ST3GAL4: variants seen among roughly 807,000 people sequenced by gnomAD.
ST3GAL4 encodes ST3 beta-galactoside alpha-2,3-sialyltransferase 4, also known as CMP-N-acetylneuraminate-beta-galactosamide-alpha-2,3-sialyltransferase 4.
A neutral mutation model predicts 42.6 loss-of-function variants in ST3GAL4; 24 were observed. The ratio of observed to expected loss-of-function variants is 0.56; its 90% confidence interval spans 0.41 to 0.79. The LOEUF is 0.79. ST3GAL4 is among the 30% of genes least tolerant of loss of function. ST3GAL4 has a pLI of 0.00. For missense variants in ST3GAL4, 311 were observed against 430.8 expected (o/e 0.72, Z 2.46); for synonymous variants, 135 against 163.2 (o/e 0.83, Z 1.32).
chr11:126,408,007 G>A, intron 6 of ST3GAL4, 92 bp from the exon 7 acceptor site: 6 of 1,405,342 alleles, frequency 4.3e-6, no homozygotes, highest in Non-Finnish European at 4.9e-6. Context: ...GGGGGCCTAG[G>A]AAGTGGTCCT....
rs1952919749 is a variant in ST3GAL4, at chr11:126,379,329, G to A, written c.-61+23487G>A. 6.6e-6 allele frequency among the ~76,000 whole-genome samples: 1 copy of A among 152,138 alleles called. No individual in the cohort carries two copies. The highest frequency in any genetic ancestry group is 6.5e-5 in the Admixed American group (1 of 15,280). On this transcript the variant is annotated intron_variant, in intron 1 of 10. Transcript: ENST00000444328. This position sits in a 1 kb window ranked among gnomAD's most constrained non-coding sequence, Gnocchi z 4.2. ...GAAAATAAAAGTGTGAACCTTTTGT[G>A]CTAAAACAAAACAAAAACAAGTCTG...
At position 126,406,308 on chromosome 11, in the gene ST3GAL4, T is replaced by C; in HGVS notation, c.16+137T>C. 6.5e-7 allele frequency: 1 copy of C among 1,541,110 alleles called. No individual in the cohort carries two copies. Among genetic ancestry groups the C allele is most frequent in the Non-Finnish European group, 8.8e-7 (1 of 1,142,722 alleles). ...CCCTTCTCTTCATCTTGAAGGACAGTGGGTACAATCAGGGTCAAGCCCTCA... is the reference window on the plus strand; with the variant it reads ...CCCTTCTCTTCATCTTGAAGGACAGCGGGTACAATCAGGGTCAAGCCCTCA... On this transcript the variant is annotated intron_variant, in intron 2 of 10. Coordinates refer to ENST00000444328, the MANE Select transcript of ST3GAL4 (RefSeq NM_001254757.2). This position sits in a 1 kb window ranked among gnomAD's most constrained non-coding sequence, Gnocchi z 5.4.
chr11:126,403,332 C>CGCTGCTCACCTCTGAT, intron 1 of ST3GAL4: 6 of 910,154 alleles, frequency 6.6e-6, no homozygotes, highest in Non-Finnish European at 7.9e-6. Flanking sequence ...GACTGGTTAG[C>CGCTGCTCACCTCTGAT]GCTGCTCACC....
Position 126,363,439 on chromosome 11 carries a change from G to T in ST3GAL4, c.-61+7597G>T, listed in dbSNP as rs1315685615. Among the ~76,000 whole-genome samples the T allele has an allele frequency of 6.6e-6, 1 of 152,138 alleles. No homozygotes were observed. The highest frequency in any genetic ancestry group is 1.9e-4 in the East Asian group (1 of 5,188). On this transcript the variant is annotated intron_variant, in intron 1 of 10. Transcript: ENST00000444328. The surrounding 1 kb of genome is among the most constrained non-coding windows in gnomAD (Gnocchi z 4.6). ...GGCTGGGTTGGGTTGCCTGGAGGCC[G>T]GGAATGTTCAGGAGAGCCTTCATTG...
Position 126,406,880 on chromosome 11 carries a change from G to A in ST3GAL4, c.102-63G>A. 1 of 1,459,358 alleles carries A rather than the reference G, an allele frequency of 6.9e-7. No homozygotes were observed. The highest frequency in any genetic ancestry group is 9.6e-7 in the Non-Finnish European group (1 of 1,042,064). 90.4% of individuals were successfully genotyped at this position (1,459,358 alleles called of 1,614,324 possible). A position where few individuals can be genotyped will look rare whatever the true frequency, so the allele number is the denominator to read the frequency against. ...CATGCCGTGGGAGAAGGCTTAGGCT[G>A]CCTGGAACATGGGTCCCTGGGTCTG... On this transcript the variant is annotated intron_variant, in intron 3 of 10. Coordinates refer to ENST00000444328, the MANE Select transcript of ST3GAL4 (RefSeq NM_001254757.2). This position sits in a 1 kb window ranked among gnomAD's most constrained non-coding sequence, Gnocchi z 5.4.
intron 1 of ST3GAL4, among the ~76,000 whole-genome samples, chr11:126,404,322 A>G (rs1269680705): frequency 6.6e-6 from 1 of 152,132 alleles, no homozygotes; most frequent in Non-Finnish European, 1.5e-5. Context: ...CAGGTCAGAG[A>G]GGGAGGTGTG....
intron 1 of ST3GAL4, among the ~76,000 whole-genome samples, chr11:126,389,955 C>T (rs1953413048): frequency 6.9e-6 from 1 of 145,932 alleles, no homozygotes; most frequent in South Asian, 2.1e-4. Context: ...GGGTGAATCA[C>T]GAGGTCAGGA....
In ST3GAL4 at chr11:126,379,730, G is replaced by A. The variant is rs1427517569; in HGVS notation, c.-61+23888G>A. ...TGACCTTAGGCGATCCAACCACCTT[G>A]GCCTCCTTAAGTGCTGGGATTACAG... is the stretch of plus-strand genomic sequence containing the variant. On this transcript the variant is annotated intron_variant, in intron 1 of 10. Coordinates refer to ENST00000444328, the MANE Select transcript of ST3GAL4 (RefSeq NM_001254757.2). The surrounding 1 kb of genome is among the most constrained non-coding windows in gnomAD (Gnocchi z 4.2). 1.3e-5 allele frequency among the ~76,000 whole-genome samples: 2 copies of A among 151,934 alleles called. No individual in the cohort carries two copies. Among genetic ancestry groups the A allele is most frequent in the Non-Finnish European group, 2.9e-5 (2 of 67,994 alleles).
intron 8 of ST3GAL4, chr11:126,408,832 G>T: frequency 2.3e-6 from 1 of 436,140 alleles, no homozygotes. Flanking sequence ...CCATCTCCAG[G>T]CTGAGGGCAG....
At chr11:126,367,339 G>A (rs1162750445) in intron 1 of ST3GAL4, among the ~76,000 whole-genome samples, 1 of 152,224 alleles carries the variant, frequency 6.6e-6, no homozygotes, top group Non-Finnish European at 1.5e-5. Context: ...GAGTGGGAGT[G>A]GCAGTGCCTC....
Position 126,384,853 on chromosome 11 carries a change from T to G in ST3GAL4, c.-60-21243T>G. The G allele has an allele frequency of 5.1e-6, 5 of 984,484 alleles. No homozygotes were observed. The highest frequency in any genetic ancestry group is 6.0e-6 in the Non-Finnish European group (5 of 829,724). 61.0% of individuals were successfully genotyped at this position (984,484 alleles called of 1,614,324 possible). A position where few individuals can be genotyped will look rare whatever the true frequency, so the allele number is the denominator to read the frequency against. ...TCACATATGGGCCAGGAGAGGTGAGTGTGATTGTGGTAGTGGTGGGGGCAG... is the reference window on the plus strand; with the variant it reads ...TCACATATGGGCCAGGAGAGGTGAGGGTGATTGTGGTAGTGGTGGGGGCAG... On this transcript the variant is annotated intron_variant, in intron 1 of 10. Coordinates refer to ENST00000444328, the MANE Select transcript of ST3GAL4 (RefSeq NM_001254757.2). The surrounding 1 kb of genome is among the most constrained non-coding windows in gnomAD (Gnocchi z 5.5).
rs1954639529 is a variant in ST3GAL4, at chr11:126,414,021, G to A, written c.976G>A (p.Ala326Thr). The A allele has an allele frequency of 2.5e-6, 4 of 1,614,144 alleles. No individual in the cohort carries two copies. Among genetic ancestry groups the A allele is most frequent in the Non-Finnish European group, 1.7e-6 (2 of 1,180,054 alleles). The change falls in exon 11 of 11, where the codon GCT (alanine) becomes ACT (threonine). Residue 326 changes from alanine to threonine, a missense_variant. By Grantham distance (58) the Ala-to-Thr change is moderately conservative (BLOSUM62 0). Transcript: ENST00000444328. ...CATTAAGCGGATGCTGGAGATGGGAGCTATCAAGAACCTCACGTCCTTCTG... is the reference window on the plus strand; with the variant it reads ...CATTAAGCGGATGCTGGAGATGGGAACTATCAAGAACCTCACGTCCTTCTG... ...LAIKRMLEMGAIKNLTSF is the reference protein window; with the variant it reads ...LAIKRMLEMGTIKNLTSF
chr11:126,364,101 T>C (rs1591414870), intron 1 of ST3GAL4, among the ~76,000 whole-genome samples: 1 of 152,234 alleles, frequency 6.6e-6, no homozygotes, highest in Non-Finnish European at 1.5e-5. Flanking sequence ...AGGGGCTCCC[T>C]GCCCGGAGTC....
rs1001835850 is a variant in ST3GAL4 at position 126,409,514 on chromosome 11, C to T, written c.771+103C>T. 306 of 1,499,624 alleles carry T rather than the reference C, an allele frequency of 2.0e-4. No homozygotes were observed. Among genetic ancestry groups the T allele is most frequent in the Non-Finnish European group, 2.5e-4 (270 of 1,100,596 alleles). 92.9% of individuals were successfully genotyped at this position (1,499,624 alleles called of 1,614,324 possible). On this transcript the variant is annotated intron_variant, in intron 9 of 10. Transcript: ENST00000444328. The surrounding 1 kb of genome is among the most constrained non-coding windows in gnomAD (Gnocchi z 4.9). ...CCCTGGAAGGATCCCATAACAGAGG[C>T]GGCGGTTTGCATTTTCCCTCCAGGA...
At position 126,386,887 on chromosome 11, in the gene ST3GAL4, G is replaced by A. The variant is rs759291279; in HGVS notation, c.-60-19209G>A. On this transcript the variant is annotated intron_variant, in intron 1 of 10. Coordinates refer to ENST00000444328, the MANE Select transcript of ST3GAL4 (RefSeq NM_001254757.2). The surrounding 1 kb of genome is among the most constrained non-coding windows in gnomAD (Gnocchi z 4.7). ...CAGCACTTTCCTGTAAATTAGGAAC[G>A]GTAACACACACACCCCTCCCCCACC... 6.6e-6 allele frequency among the ~76,000 whole-genome samples: 1 copy of A among 152,102 alleles called. No individual in the cohort carries two copies. The highest frequency in any genetic ancestry group is 1.5e-5 in the Non-Finnish European group (1 of 68,014).
rs566090982 is a variant in ST3GAL4 at position 126,392,149 on chromosome 11, T to G, written c.-60-13947T>G. Reference sequence around the variant, plus strand: ...TGAGTCCGTACCCCTTTTCACTGGCTCCTCCTGGAGGCCACATGTACCTTG... The same window carrying G: ...TGAGTCCGTACCCCTTTTCACTGGCGCCTCCTGGAGGCCACATGTACCTTG... On this transcript the variant is annotated intron_variant, in intron 1 of 10. Transcript: ENST00000444328. The surrounding 1 kb of genome is among the most constrained non-coding windows in gnomAD (Gnocchi z 5.8). The G allele has an allele frequency of 5.5e-6, 1 of 182,890 alleles. No individual in the cohort carries two copies. The highest frequency in any genetic ancestry group is 1.9e-4 in the East Asian group (1 of 5,288). The allele number at this position is 182,890 out of a possible 1,614,324, so 11.3% of individuals were successfully genotyped here. A position where few individuals can be genotyped will look rare whatever the true frequency, so the allele number is the denominator to read the frequency against.
intron 1 of ST3GAL4, among the ~76,000 whole-genome samples, chr11:126,368,787 G>A (rs545352782): frequency 6.6e-6 from 1 of 152,226 alleles, no homozygotes; most frequent in Non-Finnish European, 1.5e-5. Flanking sequence ...GCGATGCCCA[G>A]GCCTTTGCAC....
chr11:126,406,880 G>T lies in ST3GAL4; in HGVS notation c.102-63G>T. ...CATGCCGTGGGAGAAGGCTTAGGCTGCCTGGAACATGGGTCCCTGGGTCTG... is the reference window on the plus strand; with the variant it reads ...CATGCCGTGGGAGAAGGCTTAGGCTTCCTGGAACATGGGTCCCTGGGTCTG... On this transcript the variant is annotated intron_variant, in intron 3 of 10. Transcript: ENST00000444328. This position sits in a 1 kb window ranked among gnomAD's most constrained non-coding sequence, Gnocchi z 5.4. 6.9e-7 allele frequency: 1 copy of T among 1,459,358 alleles called. No individual in the cohort carries two copies. The highest frequency in any genetic ancestry group is 9.6e-7 in the Non-Finnish European group (1 of 1,042,064). 90.4% of individuals were successfully genotyped at this position (1,459,358 alleles called of 1,614,324 possible).
intron 1 of ST3GAL4, among the ~76,000 whole-genome samples, chr11:126,389,911 C>T (rs1019425430): frequency 4.0e-5 from 6 of 151,360 alleles, no homozygotes; most frequent in Admixed American, 6.6e-5. Context: ...CGGTGGCTCA[C>T]GCCTGTAATC....
Sources: gnomAD v4.1 joint callset for allele counts (sites outside exome capture counted in the v4.1 genomes callset) on GRCh38, gnomAD v4.1.1 for gene constraint, Gnocchi (gnomAD v3.1) non-coding constraint, MANE v1.5 for transcripts, NCBI Gene and HGNC (gene_info 2026-07-23, HGNC 2026-07-21) for gene names.